FLI1: variants seen among roughly 807,000 people sequenced by gnomAD.
FLI1 encodes the protein Friend leukemia integration 1 transcription factor.
Under a neutral mutation model 53.1 loss-of-function variants are expected in FLI1, and 13 were observed. That is an observed-to-expected ratio of 0.24 (90% CI 0.16 to 0.39). The LOEUF (loss-of-function observed/expected upper bound fraction) is 0.39, where lower values mean the gene tolerates loss of function less well. Ranked by LOEUF, FLI1 falls within the 10% of genes least tolerant of loss-of-function variation. FLI1 has a pLI of 1.00. For missense variants in FLI1, 424 were observed against 600.5 expected (o/e 0.71, Z 3.07); for synonymous variants, 244 against 236.7 (o/e 1.03, Z -0.28).
intron 1 of FLI1, among the ~76,000 whole-genome samples, chr11:128,751,842 T>TG (rs1940660989): frequency 1.3e-5 from 2 of 151,560 alleles, no homozygotes; most frequent in Admixed American, 1.3e-4. Context: ...TTTTTTTTTT[T>TG]TGTAGAGAAA....
chr11:128,744,209 GA>G (rs200645166), intron 1 of FLI1, among the ~76,000 whole-genome samples: 1,652 of 152,312 alleles, frequency 0.011, 16 homozygotes, highest in South Asian at 0.038. Flanking sequence ...ACAAAAGTGG[GA>G]TAATTTTGAG....
upstream of FLI1, chr11:128,693,780 A>G (rs1048363428): frequency 4.3e-6 from 1 of 230,228 alleles, no homozygotes; most frequent in African/African-American, 2.2e-5. Context: ...AGGAGCAAGT[A>G]TCCTGTGTGC....
rs531254948 is a variant in FLI1, at chr11:128,810,909, C to T, written c.1280C>T (p.Thr427Met). Residue 427 changes from threonine to methionine, a missense_variant, in exon 9 of 9, where the codon ACG becomes ATG. Transcript: ENST00000527786. The surrounding 1 kb of genome is among the most constrained non-coding windows in gnomAD (Gnocchi z 6.6). ...GAASQYWTSP[T>M]GGIYPNPNVP... is the part of the protein sequence containing the mutation. ...GCATCACAATACTGGACCTCCCCCA[C>T]GGGGGGAATCTACCCCAACCCCAAC... is the stretch of plus-strand genomic sequence containing the variant. The T allele has an allele frequency of 3.7e-5, 59 of 1,613,678 alleles. 1 individual carries two copies. The highest frequency in any genetic ancestry group is 7.7e-5 in the South Asian group (7 of 91,076).
At chr11:128,743,086 C>T (rs1249952549) in intron 1 of FLI1, among the ~76,000 whole-genome samples, 3 of 152,082 alleles carry the variant, frequency 2.0e-5, no homozygotes, top group Non-Finnish European at 2.9e-5. Flanking sequence ...GTGGAAGTAG[C>T]AGTGCGAGAA....
chr11:128,796,737 G>C (rs763517582), intron 5 of FLI1, among the ~76,000 whole-genome samples: 2 of 152,224 alleles, frequency 1.3e-5, no homozygotes, highest in African/African-American at 2.4e-5. Flanking sequence ...CACTTTGGGA[G>C]GCTGAGGTGA....
At chr11:128,795,675 C>T (rs544795584) in intron 5 of FLI1, among the ~76,000 whole-genome samples, 90 of 151,882 alleles carry the variant, frequency 5.9e-4, no homozygotes, top group Middle Eastern at 3.4e-3. Context: ...CTCAGCCTCC[C>T]GAGTAGCTGG....
At chr11:128,716,362 G>A (rs1939013204) in intron 1 of FLI1, among the ~76,000 whole-genome samples, 1 of 152,180 alleles carries the variant, frequency 6.6e-6, no homozygotes, top group African/African-American at 2.4e-5. Flanking sequence ...TAATGCCAGA[G>A]CTGGGGGTGG....
At chr11:128,791,333 C>T (rs918184763) in intron 5 of FLI1, among the ~76,000 whole-genome samples, 16 of 152,180 alleles carry the variant, frequency 1.1e-4, no homozygotes, top group Non-Finnish European at 1.6e-4. Flanking sequence ...GTATACCTTT[C>T]ATCCGTCTCA....
At chr11:128,707,380 CAT>C (rs1378241969) in intron 1 of FLI1, among the ~76,000 whole-genome samples, 2 of 152,198 alleles carry the variant, frequency 1.3e-5, no homozygotes, top group African/African-American at 4.8e-5. Flanking sequence ...TTTGGTGCAA[CAT>C]AGGACTTCCC....
chr11:128,734,510 T>G (rs1338340242), intron 1 of FLI1, among the ~76,000 whole-genome samples: 1 of 152,238 alleles, frequency 6.6e-6, no homozygotes, highest in Non-Finnish European at 1.5e-5. Flanking sequence ...AGGAACATGT[T>G]ACATTTCTTC....
intron 5 of FLI1, among the ~76,000 whole-genome samples, chr11:128,801,546 A>G (rs775704226): frequency 6.6e-6 from 1 of 152,250 alleles, no homozygotes; most frequent in Non-Finnish European, 1.5e-5. Context: ...CCTATGCCTC[A>G]TACATAAATA....
chr11:128,740,725 G>A (rs1312003490), intron 1 of FLI1, among the ~76,000 whole-genome samples: 1 of 152,226 alleles, frequency 6.6e-6, no homozygotes, highest in Non-Finnish European at 1.5e-5. Flanking sequence ...GACAATGTTG[G>A]CAGTCAGACC....
intron 1 of FLI1, among the ~76,000 whole-genome samples, chr11:128,732,720 T>C (rs1313883704): frequency 6.6e-6 from 1 of 152,234 alleles, no homozygotes; most frequent in African/African-American, 2.4e-5. Context: ...ATATGCTTCG[T>C]TGCTTCCAAC....
At chr11:128,762,812 C>T (rs1941175367) in intron 2 of FLI1, among the ~76,000 whole-genome samples, 1 of 152,092 alleles carries the variant, frequency 6.6e-6, no homozygotes, top group Admixed American at 6.5e-5. Context: ...CAAAATTAGC[C>T]TGGCATGGTG....
At chr11:128,791,134 G>A (rs954632236) in intron 5 of FLI1, among the ~76,000 whole-genome samples, 23 of 152,218 alleles carry the variant, frequency 1.5e-4, no homozygotes, top group East Asian at 1.2e-3. Flanking sequence ...CTGTGGGACC[G>A]CTAGAGACAA....
intron 1 of FLI1, among the ~76,000 whole-genome samples, chr11:128,750,872 C>CA (rs1940614834): frequency 6.6e-6 from 1 of 152,224 alleles, no homozygotes; most frequent in South Asian, 2.1e-4. Context: ...CGTGAATGCA[C>CA]AGATGTACCC....
At chr11:128,740,814 G>A (rs1478537872) in intron 1 of FLI1, among the ~76,000 whole-genome samples, 1 of 152,200 alleles carries the variant, frequency 6.6e-6, no homozygotes, top group Non-Finnish European at 1.5e-5. Context: ...TTAGAGTTGG[G>A]GTGGTAGGTG....
intron 4 of FLI1, 140 bp from the exon 5 acceptor site, chr11:128,781,818 T>C: frequency 1.4e-6 from 1 of 691,656 alleles, no homozygotes; most frequent in Non-Finnish European, 2.6e-6. Flanking sequence ...TCCATTCGCT[T>C]TTCCTTTCTT....
intron 1 of FLI1, among the ~76,000 whole-genome samples, chr11:128,705,077 T>C (rs1394237421): frequency 1.3e-5 from 2 of 152,224 alleles, no homozygotes; most frequent in Non-Finnish European, 2.9e-5. Context: ...TCCATAAAGC[T>C]TAGCCACTGT....
Sources: allele counts gnomAD v4.1 joint callset (sites outside exome capture counted in the v4.1 genomes callset), GRCh38; gene constraint gnomAD v4.1.1; non-coding constraint Gnocchi (gnomAD v3.1); transcripts MANE v1.5; gene names NCBI Gene and HGNC (gene_info 2026-07-23, HGNC 2026-07-21).